The following RPTOR variants were observed in gnomAD, a reference collection of about 807,000 sequenced individuals.
RPTOR encodes the protein regulatory-associated protein of mTOR.
Under a neutral mutation model 169.9 loss-of-function variants are expected in RPTOR, and 21 were observed. The observed-to-expected ratio is 0.12, with a 90% CI of 0.09 to 0.18. RPTOR has a LOEUF of 0.18. RPTOR is among the 10% of genes least tolerant of loss of function. The pLI is 1.00. For synonymous variants in RPTOR, 732 were observed against 753.2 expected (o/e 0.97, Z 0.46); for missense variants, 1,133 against 1,855.9 (o/e 0.61, Z 7.16).
chr17:80,830,612 G>A (rs1453049151), intron 9 of RPTOR, among the ~76,000 whole-genome samples: 1 of 152,218 alleles, frequency 6.6e-6, no homozygotes, highest in Non-Finnish European at 1.5e-5. Flanking sequence ...GGCTTCGAAA[G>A]GAGTTTGGTA....
chr17:80,575,630 G>A (rs980707455), intron 1 of RPTOR, among the ~76,000 whole-genome samples: 1 of 152,170 alleles, frequency 6.6e-6, no homozygotes, highest in South Asian at 2.1e-4. Flanking sequence ...TTATAGGCCC[G>A]TGCGTGGTCA....
chr17:80,964,420 C>T lies in RPTOR; in HGVS notation c.*90C>T, dbSNP rs534816888. 5 of 1,321,978 alleles carry T rather than the reference C, an allele frequency of 3.8e-6. No homozygotes were observed. Among genetic ancestry groups the T allele is most frequent in the Admixed American group, 3.4e-5 (2 of 58,430 alleles). The allele number at this position is 1,321,978 out of a possible 1,614,324, so 81.9% of individuals were successfully genotyped here. On this transcript the variant is annotated 3_prime_UTR_variant, in exon 34 of 34. Coordinates refer to ENST00000306801, the MANE Select transcript of RPTOR (RefSeq NM_020761.3). ...GGGCACGGGGCGTCGGCTGCTGCGG[C>T]CCCGCAGTGTGAACGTTGGCTGCTG...
intron 1 of RPTOR, among the ~76,000 whole-genome samples, chr17:80,579,081 C>T (rs1375200769): frequency 3.9e-5 from 6 of 152,226 alleles, no homozygotes; most frequent in Admixed American, 3.3e-4. Context: ...TGCACAGGTA[C>T]TCGGGGTTAT....
rs547311511 is a variant in RPTOR, at chr17:80,607,332, A to G, written c.163-18359A>G. On this transcript the variant is annotated intron_variant, in intron 1 of 33. Transcript: ENST00000306801. The stretch of plus-strand genomic sequence containing the variant: ...ACAACTGAAGGTAGTTTTGGATCTA[A>G]AACCACAGTTTTGGTAATGTTCAAA... Among the ~76,000 whole-genome samples, 3 of 152,328 alleles carry G rather than the reference A, an allele frequency of 2.0e-5. No individual in the cohort carries two copies. The South Asian group carries it at 6.2e-4, about 32-fold the overall frequency.
intron 13 of RPTOR, among the ~76,000 whole-genome samples, chr17:80,869,461 T>G (rs2068028564): frequency 1.3e-5 from 2 of 152,206 alleles, no homozygotes. Flanking sequence ...TGGCCCCCCT[T>G]CTAGATTTTT....
chr17:80,569,039 A>T (rs2064875411), intron 1 of RPTOR, among the ~76,000 whole-genome samples: 1 of 152,120 alleles, frequency 6.6e-6, no homozygotes, highest in African/African-American at 2.4e-5. Flanking sequence ...TAAAAGTTCC[A>T]TTTGGATTTC....
At chr17:80,837,853 C>A in intron 9 of RPTOR, 69 bp from the exon 10 acceptor site, 1 of 1,435,454 alleles carries the variant, frequency 7.0e-7, no homozygotes. Context: ...TCCTCCTGTG[C>A]CCTGTGAAGT....
At position 80,832,385 on chromosome 17, in the gene RPTOR, G is replaced by T. The variant is rs556552774; in HGVS notation, c.1137-5537G>T. Among the ~76,000 whole-genome samples, 3 of 152,326 alleles carry T rather than the reference G, an allele frequency of 2.0e-5. No homozygotes were observed. In the South Asian group the frequency reaches 6.2e-4, roughly 32 times the overall value. On this transcript the variant is annotated intron_variant, in intron 9 of 33. Transcript: ENST00000306801. ...CGCGAGGAGTGGACGAGGCAGCTCA[G>T]GCCTGGGGGACAGACTTGGAGCTCA... is the stretch of plus-strand genomic sequence containing the variant.
At chr17:80,737,315 C>T (rs562326545) in intron 5 of RPTOR, among the ~76,000 whole-genome samples, 6 of 152,298 alleles carry the variant, frequency 3.9e-5, no homozygotes, top group African/African-American at 7.2e-5. Flanking sequence ...CATGGATGCC[C>T]CCATGCCGAG....
chr17:80,806,667 G>C (rs1181298827), intron 7 of RPTOR, among the ~76,000 whole-genome samples: 1 of 152,162 alleles, frequency 6.6e-6, no homozygotes, highest in South Asian at 2.1e-4. Flanking sequence ...TGAATACTTA[G>C]TCGTTTTCCA....
chr17:80,627,337 C>T (rs1485885383), intron 2 of RPTOR, among the ~76,000 whole-genome samples: 2 of 151,932 alleles, frequency 1.3e-5, no homozygotes, highest in Non-Finnish European at 2.9e-5. Flanking sequence ...AATTTATATA[C>T]AGTAAAGTTC....
chr17:80,588,450 C>G (rs138868114), intron 1 of RPTOR, among the ~76,000 whole-genome samples: 2 of 152,280 alleles, frequency 1.3e-5, no homozygotes, highest in Admixed American at 6.5e-5. Flanking sequence ...AGTGAGCCAC[C>G]ACGTCTGGCC....
chr17:80,625,105 A>G (rs555790920), intron 1 of RPTOR, among the ~76,000 whole-genome samples: 1 of 152,234 alleles, frequency 6.6e-6, no homozygotes, highest in South Asian at 2.1e-4. Flanking sequence ...GAGGGCCGAG[A>G]GGTGAGTGTG....
chr17:80,796,853 G>A (rs755815026), intron 7 of RPTOR, among the ~76,000 whole-genome samples: 9 of 152,108 alleles, frequency 5.9e-5, no homozygotes, highest in East Asian at 1.9e-4. Flanking sequence ...GTTAAATTGC[G>A]GGTGGCTGAA....
chr17:80,928,906 G>T (rs1205815038), intron 24 of RPTOR, among the ~76,000 whole-genome samples: 1 of 152,210 alleles, frequency 6.6e-6, no homozygotes, highest in Non-Finnish European at 1.5e-5. Flanking sequence ...CTCAGACACT[G>T]TTGGTGGGTG....
At chr17:80,930,657 C>T (rs1378316915) in intron 24 of RPTOR, among the ~76,000 whole-genome samples, 1 of 152,244 alleles carries the variant, frequency 6.6e-6, no homozygotes, top group Non-Finnish European at 1.5e-5. Flanking sequence ...GGTCGATTCC[C>T]CTCCAGGAAG....
intron 4 of RPTOR, among the ~76,000 whole-genome samples, chr17:80,722,580 G>A (rs1312047352): frequency 2.0e-5 from 3 of 151,068 alleles, no homozygotes; most frequent in Non-Finnish European, 2.9e-5. Flanking sequence ...GAGACCATGG[G>A]ATGCAGCATG....
chr17:80,674,563 G>A (rs2065846456), intron 3 of RPTOR, among the ~76,000 whole-genome samples: 1 of 152,068 alleles, frequency 6.6e-6, no homozygotes, highest in South Asian at 2.1e-4. Flanking sequence ...TTTTCTACCT[G>A]AGCTTAGCTA....
At chr17:80,768,283 C>G (rs2066807965) in intron 6 of RPTOR, among the ~76,000 whole-genome samples, 1 of 152,148 alleles carries the variant, frequency 6.6e-6, no homozygotes, top group Non-Finnish European at 1.5e-5. Context: ...AACGGGAGAA[C>G]CATGGAGTGC....
Sources: allele counts gnomAD v4.1 joint callset (sites outside exome capture counted in the v4.1 genomes callset), GRCh38; gene constraint gnomAD v4.1.1; transcripts MANE v1.5; gene names NCBI Gene and HGNC (gene_info 2026-07-23, HGNC 2026-07-21).